Variants in KIAA0586 observed in about 807,000 individuals in gnomAD.
KIAA0586 encodes protein TALPID3.
Under a neutral mutation model 169.8 loss-of-function variants are expected in KIAA0586, and 144 were observed. The observed-to-expected ratio is 0.85, with a 90% CI of 0.74 to 0.97. KIAA0586 has a LOEUF of 0.97. Among genes scored for constraint, KIAA0586 ranks in the 50% least tolerant of loss-of-function variants. KIAA0586 has a pLI of 0.00. For missense variants in KIAA0586, 1,854 were observed against 1,823.0 expected (o/e 1.02, Z -0.31); for synonymous variants, 625 against 612.4 (o/e 1.02, Z -0.30).
At chr14:58,444,417 A>G (rs1358488975) in intron 6 of KIAA0586, among the ~76,000 whole-genome samples, 1 of 151,884 alleles carries the variant, frequency 6.6e-6, no homozygotes, top group Admixed American at 6.6e-5. Context: ...ATTTTTGTTC[A>G]TATCATTTTT....
At chr14:58,532,738 G>A (rs1293397549) in intron 29 of KIAA0586, among the ~76,000 whole-genome samples, 1 of 152,012 alleles carries the variant, frequency 6.6e-6, no homozygotes, top group Admixed American at 6.6e-5. Context: ...ACTTTCTTGG[G>A]TATATTTTTT....
chr14:58,534,540 A>T (rs2046168006), intron 29 of KIAA0586, among the ~76,000 whole-genome samples: 1 of 152,190 alleles, frequency 6.6e-6, no homozygotes, highest in South Asian at 2.1e-4. Flanking sequence ...CAAGTGGCTG[A>T]TTGTCGTAGA....
chr14:58,515,010 A>G (rs1424360006), intron 29 of KIAA0586, among the ~76,000 whole-genome samples: 5 of 152,062 alleles, frequency 3.3e-5, no homozygotes, highest in Admixed American at 3.3e-4. Context: ...TAATGTATTA[A>G]AATAGTACAC....
intron 12 of KIAA0586, among the ~76,000 whole-genome samples, chr14:58,459,021 A>T (rs1295785984): frequency 6.6e-6 from 1 of 152,168 alleles, no homozygotes; most frequent in Non-Finnish European, 1.5e-5. Context: ...CCAGCATTGG[A>T]AAAGTCTGGG....
chr14:58,530,851 TTAAAC>T (rs745822357), intron 29 of KIAA0586, among the ~76,000 whole-genome samples: 5 of 152,096 alleles, frequency 3.3e-5, no homozygotes, highest in African/African-American at 4.8e-5. Context: ...TGGGATCTAA[TTAAAC>T]TAAAGAGCTT....
At chr14:58,462,480 T>A (rs2040408741) in intron 14 of KIAA0586, among the ~76,000 whole-genome samples, 1 of 152,164 alleles carries the variant, frequency 6.6e-6, no homozygotes, top group Admixed American at 6.5e-5. Context: ...CTTGAACTCC[T>A]GACCTCAGGT....
intron 29 of KIAA0586, among the ~76,000 whole-genome samples, chr14:58,518,538 TTG>T (rs2044937449): frequency 6.6e-6 from 1 of 152,202 alleles, no homozygotes; most frequent in South Asian, 2.1e-4. Flanking sequence ...GCTCAAAAAC[TTG>T]TGTTTTTTAC....
At position 58,427,827 on chromosome 14, in the gene KIAA0586, T is replaced by G. The variant is rs72716995; in HGVS notation, c.-438T>G. On this transcript the variant is annotated 5_prime_UTR_variant, in exon 1 of 31. Transcript: ENST00000652326. ...GCATCTGGAGGGGTGTGTAAGACTC[T>G]GTGGCTGAAGAAAGCTATTACGCTT... is the stretch of plus-strand genomic sequence containing the variant. 3,187 of 1,446,404 alleles carry G rather than the reference T, an allele frequency of 2.2e-3. 3 individuals are homozygous for G. Among genetic ancestry groups the G allele is most frequent in the Middle Eastern group, 3.3e-3 (13 of 3,964 alleles). The allele number at this position is 1,446,404 out of a possible 1,614,324, so 89.6% of individuals were successfully genotyped here.
intron 26 of KIAA0586, among the ~76,000 whole-genome samples, chr14:58,492,848 A>G (rs772020784): frequency 3.3e-5 from 5 of 152,224 alleles, no homozygotes; most frequent in Non-Finnish European, 7.3e-5. Flanking sequence ...TTGTTAAGGG[A>G]TGACAGCCAA....
intron 12 of KIAA0586, among the ~76,000 whole-genome samples, chr14:58,459,266 T>C (rs2040129637): frequency 6.6e-6 from 1 of 152,084 alleles, no homozygotes; most frequent in African/African-American, 2.4e-5. Context: ...GAAGAATATA[T>C]ATTTCTAATG....
intron 29 of KIAA0586, among the ~76,000 whole-genome samples, chr14:58,534,048 T>C (rs1398980395): frequency 1.3e-5 from 2 of 152,188 alleles, no homozygotes; most frequent in African/African-American, 4.8e-5. Flanking sequence ...TGGCTAGAGA[T>C]GTCAAAACCC....
At chr14:58,440,390 G>A (rs1268388052) in intron 4 of KIAA0586, among the ~76,000 whole-genome samples, 3 of 151,978 alleles carry the variant, frequency 2.0e-5, no homozygotes, top group Non-Finnish European at 4.4e-5. Context: ...GGAATGCAAT[G>A]GTGTGATCTC....
rs561724228 is a variant in KIAA0586 at position 58,442,787 on chromosome 14, G to A, written c.492G>A (p.Gln164=). ...GCATAGAGAAGGATGCTGTTACTCA[G>A]GAGACTAGAATTTCACCCAGTGGAA... is the stretch of plus-strand genomic sequence containing the variant. The part of the protein sequence containing the change: ...DAGIEKDAVT[Q]ETRISPSGID... The change falls in exon 5 of 31, where the codon CAG becomes CAA. Residue 164 remains glutamine (Q), a synonymous_variant. Transcript: ENST00000652326. The A allele has an allele frequency of 1.2e-6, 2 of 1,604,334 alleles. No individual in the cohort carries two copies. Among genetic ancestry groups the A allele is most frequent in the East Asian group, 4.5e-5 (2 of 44,676 alleles).
At chr14:58,474,017 G>T (rs1374058383) in intron 18 of KIAA0586, among the ~76,000 whole-genome samples, 1 of 152,168 alleles carries the variant, frequency 6.6e-6, no homozygotes. Context: ...GTTTTACTCA[G>T]ATAGAAGGCT....
downstream of KIAA0586, among the ~76,000 whole-genome samples, chr14:58,554,459 A>G (rs543541868): frequency 2.6e-5 from 4 of 152,306 alleles, 1 homozygote. Context: ...ACCATATGCT[A>G]ATGAGCTTCT....
intron 9 of KIAA0586, among the ~76,000 whole-genome samples, chr14:58,456,458 G>C (rs894975139): frequency 6.6e-6 from 1 of 152,110 alleles, no homozygotes; most frequent in African/African-American, 2.4e-5. Flanking sequence ...ACCTTTTCCT[G>C]CTCCTTTTCT....
At position 58,492,279 on chromosome 14, in the gene KIAA0586, C is replaced by T; in HGVS notation, c.3990+4C>T. The T allele has an allele frequency of 6.5e-7, 1 of 1,535,142 alleles. No homozygotes were observed. On this transcript the variant is annotated splice_donor_region_variant and intron_variant, in intron 26 of 30. Transcript: ENST00000652326. Reference sequence around the variant, plus strand: ...GCAAGCAGTCTATCATTCAGAGGTACTTTTTAACTTTAATGACTTTTTTTT... The same window carrying T: ...GCAAGCAGTCTATCATTCAGAGGTATTTTTTAACTTTAATGACTTTTTTTT...
chr14:58,533,493 T>C (rs1216155160), intron 29 of KIAA0586, among the ~76,000 whole-genome samples: 1 of 152,248 alleles, frequency 6.6e-6, no homozygotes. Flanking sequence ...TGGGTGACTG[T>C]TATTGTCTTC....
the KIAA0586 span, among the ~76,000 whole-genome samples, chr14:58,559,838 TG>T: frequency 6.6e-6 from 1 of 152,086 alleles, no homozygotes; most frequent in Non-Finnish European, 1.5e-5. Flanking sequence ...AATCTGGCTG[TG>T]GAGCATTTAA....
Sources: gnomAD v4.1 joint callset for allele counts (sites outside exome capture counted in the v4.1 genomes callset) on GRCh38, gnomAD v4.1.1 for gene constraint, MANE v1.5 for transcripts, NCBI Gene and HGNC (gene_info 2026-07-23, HGNC 2026-07-21) for gene names.